The following CSMD1 variants were observed in gnomAD, a reference collection of about 807,000 sequenced individuals.
CSMD1 encodes CUB and Sushi multiple domains 1.
In CSMD1, 213 loss-of-function variants were observed where a neutral mutation model predicts 417.5. The ratio of observed to expected loss-of-function variants is 0.51; its 90% CI spans 0.46 to 0.57. The LOEUF (loss-of-function observed/expected upper bound fraction) is 0.57. Among genes scored for constraint, CSMD1 ranks in the 20% least tolerant of loss-of-function variants. The probability of loss-of-function intolerance (pLI) is 0.00; values close to 1 mark genes in which losing one functional copy is unlikely to be tolerated. For synonymous variants in CSMD1, 2,862 were observed against 1,736.8 expected, an observed-to-expected ratio of 1.65 and a Z score of -16.11; for missense variants, 6,923 against 4,529.7, an observed-to-expected ratio of 1.53 and a Z score of -15.17.
intron 7 of CSMD1, among the ~76,000 whole-genome samples, chr8:3,668,354 G>A (rs1798812551): frequency 6.6e-6 from 1 of 152,160 alleles, no homozygotes; most frequent in Non-Finnish European, 1.5e-5. Context: ...GGCTGTGCAT[G>A]ACGGATGGAG....
At chr8:3,688,404 G>T (rs775897055) in intron 7 of CSMD1, among the ~76,000 whole-genome samples, 23 of 152,154 alleles carry the variant, frequency 1.5e-4, no homozygotes, top group Non-Finnish European at 2.5e-4. Context: ...GAGGTGCTTT[G>T]AATTTAGATT....
At chr8:4,492,181 C>A (rs922224569) in intron 2 of CSMD1, among the ~76,000 whole-genome samples, 1 of 152,200 alleles carries the variant, frequency 6.6e-6, no homozygotes. Context: ...ACTACAGCCT[C>A]TGACTTCAAG....
chr8:3,461,300 T>A (rs947191526), intron 12 of CSMD1, among the ~76,000 whole-genome samples: 5 of 151,934 alleles, frequency 3.3e-5, no homozygotes, highest in Non-Finnish European at 5.9e-5. Flanking sequence ...CTGGATAGAA[T>A]GAGGGAATGC....
intron 5 of CSMD1, among the ~76,000 whole-genome samples, chr8:3,835,267 A>G (rs1222146367): frequency 2.0e-5 from 3 of 151,870 alleles, no homozygotes; most frequent in African/African-American, 7.3e-5. Flanking sequence ...ACACATGCAC[A>G]CATATGTTTA....
intron 3 of CSMD1, among the ~76,000 whole-genome samples, chr8:4,167,008 G>A (rs1797494903): frequency 1.3e-5 from 2 of 152,204 alleles, no homozygotes; most frequent in African/African-American, 2.4e-5. Flanking sequence ...GGGTGTTTGT[G>A]AAATCTTTTT....
intron 5 of CSMD1, among the ~76,000 whole-genome samples, chr8:3,778,570 G>A (rs957592662): frequency 1.3e-5 from 2 of 152,120 alleles, no homozygotes; most frequent in African/African-American, 4.8e-5. Flanking sequence ...TATTTTCTGA[G>A]ATTCTCTAGC....
At chr8:3,857,791 G>A (rs957393488) in intron 5 of CSMD1, among the ~76,000 whole-genome samples, 1 of 152,182 alleles carries the variant, frequency 6.6e-6, no homozygotes, top group Non-Finnish European at 1.5e-5. Context: ...GGGGGAAAAG[G>A]ATACAACACC....
At chr8:4,303,498 A>AC (rs1798092291) in intron 3 of CSMD1, among the ~76,000 whole-genome samples, 1 of 121,654 alleles carries the variant, frequency 8.2e-6, no homozygotes, top group Admixed American at 1.1e-4. Flanking sequence ...CAATCTCCTT[A>AC]CCATCTCTAG....
intron 39 of CSMD1, among the ~76,000 whole-genome samples, chr8:3,154,177 T>C (rs998596665): frequency 4.6e-5 from 7 of 152,230 alleles, no homozygotes; most frequent in Admixed American, 2.6e-4. Flanking sequence ...TTCACCATGT[T>C]GGTCAGGCTG....
At chr8:4,428,869 C>T (rs1797710648) in intron 2 of CSMD1, among the ~76,000 whole-genome samples, 3 of 152,014 alleles carry the variant, frequency 2.0e-5, no homozygotes, top group African/African-American at 7.3e-5. Flanking sequence ...CAGGCACCAC[C>T]ACGTCCAGCT....
chr8:4,136,447 G>A (rs1272255324), intron 3 of CSMD1, among the ~76,000 whole-genome samples: 1 of 152,126 alleles, frequency 6.6e-6, no homozygotes, highest in Non-Finnish European at 1.5e-5. Flanking sequence ...CATCCCTTTT[G>A]AAAAATGCCT....
At position 4,680,066 on chromosome 8, in the gene CSMD1, G is replaced by GACATTAACATGATTTAAATATATTT. The variant is rs1362136402; in HGVS notation, c.86-42533_86-42509dup. On this transcript the variant is annotated intron_variant, in intron 1 of 69. Coordinates refer to ENST00000635120, the MANE Select transcript of CSMD1 (RefSeq NM_033225.6). ...GCAAATGATGTGAATAAAACAATAT[G>GACATTAACATGATTTAAATATATTT]ACATTAACATGATTTAAATATATTT... Among the ~76,000 whole-genome samples, 11 of 152,244 alleles carry GACATTAACATGATTTAAATATATTT rather than the reference G, an allele frequency of 7.2e-5. No individual in the cohort carries two copies. The East Asian group carries it at 2.1e-3, about 29-fold the overall frequency.
intron 3 of CSMD1, among the ~76,000 whole-genome samples, chr8:4,208,310 G>T (rs1029037858): frequency 1.3e-5 from 2 of 152,138 alleles, no homozygotes; most frequent in Non-Finnish European, 1.5e-5. Context: ...AAAGACTGGA[G>T]AAGAAATAAA....
At chr8:4,569,482 T>C (rs1798779134) in intron 2 of CSMD1, among the ~76,000 whole-genome samples, 1 of 152,200 alleles carries the variant, frequency 6.6e-6, no homozygotes, top group Non-Finnish European at 1.5e-5. Context: ...CTGAGGCCTC[T>C]GTTCTGTTCC....
chr8:3,529,591 G>T (rs1394764357), intron 10 of CSMD1, among the ~76,000 whole-genome samples: 2 of 152,154 alleles, frequency 1.3e-5, no homozygotes, highest in African/African-American at 4.8e-5. Context: ...ACAGGAATGC[G>T]ATGCACATCT....
chr8:4,105,663 C>T (rs776526131), intron 3 of CSMD1, among the ~76,000 whole-genome samples: 1 of 152,100 alleles, frequency 6.6e-6, no homozygotes, highest in Non-Finnish European at 1.5e-5. Context: ...GGTTTCTGAC[C>T]CCATTAGCAG....
In CSMD1 at chr8:2,954,556, C is replaced by T. The variant is rs1303337984; in HGVS notation, c.9995-288G>A. Reference sequence around the variant, plus strand: ...TTGCAAAGGAGGGTGCCTTCTATGACATTTCTTGTATCCTGTTTGGAATAC... The same window carrying T: ...TTGCAAAGGAGGGTGCCTTCTATGATATTTCTTGTATCCTGTTTGGAATAC... On this transcript the variant is annotated intron_variant, in intron 64 of 69. Transcript: ENST00000635120. Among the ~76,000 whole-genome samples, 5 of 152,180 alleles carry T rather than the reference C, an allele frequency of 3.3e-5. No homozygotes were observed. In the East Asian group the frequency reaches 9.7e-4, roughly 29 times the overall value.
intron 41 of CSMD1, among the ~76,000 whole-genome samples, chr8:3,129,710 C>A (rs1013338302): frequency 1.3e-5 from 2 of 151,672 alleles, no homozygotes; most frequent in South Asian, 2.1e-4. Flanking sequence ...GGAGCTGGGC[C>A]GGGCGGGGTG....
rs531604643 is a variant in CSMD1, at chr8:4,171,941, T to C, written c.416-139842A>G. Among the ~76,000 whole-genome samples, 52 of 152,324 alleles carry C rather than the reference T, an allele frequency of 3.4e-4. 1 individual carries two copies. Among genetic ancestry groups the C allele is most frequent in the African/African-American group, 1.2e-3 (51 of 41,560 alleles). ...ATGTTTCTCGCAATACTCTAGATTT[T>C]GTGTTCTTTCTTGCATAATGTAATA... is the stretch of plus-strand genomic sequence containing the variant. On this transcript the variant is annotated intron_variant, in intron 3 of 69. Transcript: ENST00000635120.
Sources: gnomAD v4.1 joint callset for allele counts (sites outside exome capture counted in the v4.1 genomes callset) on GRCh38, gnomAD v4.1.1 for gene constraint, MANE v1.5 for transcripts, NCBI Gene and HGNC (gene_info 2026-07-23, HGNC 2026-07-21) for gene names.